The following LRRTM4 variants were observed in gnomAD, a reference collection of about 807,000 sequenced individuals.
LRRTM4 encodes leucine-rich repeat transmembrane neuronal protein 4.
LRRTM4 carries 25 observed loss-of-function variants against 47.6 expected under a neutral mutation model. The ratio of observed to expected loss-of-function variants is 0.53; its 90% CI spans 0.38 to 0.73. LRRTM4 has a LOEUF of 0.73. Ranked by LOEUF, LRRTM4 falls within the 30% of genes least tolerant of loss-of-function variation. The probability of loss-of-function intolerance (pLI) is 0.00; values close to 1 mark genes in which losing one functional copy is unlikely to be tolerated. For missense variants in LRRTM4, 638 were observed against 713.4 expected, an observed-to-expected ratio of 0.89 and a Z score of 1.20; for synonymous variants, 311 against 269.5, an observed-to-expected ratio of 1.15 and a Z score of -1.51.
At chr2:77,112,319 A>T (rs1203759950) in intron 3 of LRRTM4, among the ~76,000 whole-genome samples, 1 of 152,208 alleles carries the variant, frequency 6.6e-6, no homozygotes, top group African/African-American at 2.4e-5. Context: ...TTTCTTGAAT[A>T]ACCAAGAAAG....
chr2:76,827,668 C>T (rs547038701), intron 3 of LRRTM4, among the ~76,000 whole-genome samples: 4 of 151,926 alleles, frequency 2.6e-5, no homozygotes, highest in African/African-American at 9.6e-5. Flanking sequence ...TAAAAACAGT[C>T]AACTTATTTC....
At chr2:76,782,902 G>C (rs891498637) in intron 3 of LRRTM4, among the ~76,000 whole-genome samples, 11 of 152,108 alleles carry the variant, frequency 7.2e-5, no homozygotes, top group Non-Finnish European at 1.3e-4. Flanking sequence ...AAATTATAGA[G>C]TGTTCTTTAG....
At chr2:77,045,532 G>C (rs1464003984) in intron 3 of LRRTM4, among the ~76,000 whole-genome samples, 1 of 151,862 alleles carries the variant, frequency 6.6e-6, no homozygotes, top group Non-Finnish European at 1.5e-5. Flanking sequence ...TGTGTTGTGG[G>C]AGGGACCCAG....
chr2:77,514,121 C>T (rs1456131278), intron 3 of LRRTM4, among the ~76,000 whole-genome samples: 3 of 151,898 alleles, frequency 2.0e-5, no homozygotes, highest in Non-Finnish European at 2.9e-5. Flanking sequence ...CAAACACACA[C>T]ACATCCTATT....
intron 3 of LRRTM4, among the ~76,000 whole-genome samples, chr2:76,974,207 T>TACATATATATATAC (rs1390127604): frequency 0.028 from 2,319 of 82,922 alleles, 64 homozygotes; most frequent in East Asian, 0.079. Context: ...CATATATATA[T>TACATATATATATAC]ATACACATAT....
At chr2:77,323,090 A>G (rs996953719) in intron 3 of LRRTM4, among the ~76,000 whole-genome samples, 2 of 151,940 alleles carry the variant, frequency 1.3e-5, no homozygotes, top group South Asian at 4.1e-4. Context: ...CCTGGGGGGA[A>G]CCATGATTAT....
intron 3 of LRRTM4, among the ~76,000 whole-genome samples, chr2:77,212,503 T>C (rs1207659561): frequency 7.3e-6 from 1 of 137,548 alleles, no homozygotes; most frequent in Non-Finnish European, 1.6e-5. Flanking sequence ...AGCGAGAGAG[T>C]TAATCTCGTG....
chr2:76,798,838 C>T (rs1558661420), intron 3 of LRRTM4, among the ~76,000 whole-genome samples: 2 of 152,176 alleles, frequency 1.3e-5, no homozygotes, highest in African/African-American at 2.4e-5. Context: ...CGCAAATAAA[C>T]TAGAAAATCT....
intron 3 of LRRTM4, among the ~76,000 whole-genome samples, chr2:77,184,386 CT>C (rs1673441237): frequency 6.6e-6 from 1 of 152,044 alleles, no homozygotes; most frequent in Non-Finnish European, 1.5e-5. Flanking sequence ...ATGCCCATTC[CT>C]TACCTCCTAC....
At chr2:76,883,801 G>A (rs896301924) in intron 3 of LRRTM4, among the ~76,000 whole-genome samples, 5 of 152,108 alleles carry the variant, frequency 3.3e-5, no homozygotes, top group Non-Finnish European at 5.9e-5. Context: ...AGTGCTAAAT[G>A]ATTGTGAATT....
chr2:77,228,211 A>C (rs1483898200), intron 3 of LRRTM4, among the ~76,000 whole-genome samples: 1 of 152,110 alleles, frequency 6.6e-6, no homozygotes, highest in Non-Finnish European at 1.5e-5. Context: ...GTGCTGTCCA[A>C]ATCCATGATA....
At chr2:77,270,302 A>G (rs1676157903) in intron 3 of LRRTM4, among the ~76,000 whole-genome samples, 1 of 152,194 alleles carries the variant, frequency 6.6e-6, no homozygotes, top group African/African-American at 2.4e-5. Flanking sequence ...GGTTTGCCAA[A>G]GAAGGTTGTG....
chr2:77,375,606 C>A (rs562543965), intron 3 of LRRTM4, among the ~76,000 whole-genome samples: 1 of 151,714 alleles, frequency 6.6e-6, no homozygotes, highest in South Asian at 2.1e-4. Context: ...CTTTTTTCCC[C>A]AGCCCCTTGC....
chr2:77,086,877 A>G (rs1456741243), intron 3 of LRRTM4, among the ~76,000 whole-genome samples: 1 of 151,242 alleles, frequency 6.6e-6, no homozygotes, highest in Non-Finnish European at 1.5e-5. Flanking sequence ...TCAACGTCAG[A>G]AAACAGACTC....
intron 3 of LRRTM4, among the ~76,000 whole-genome samples, chr2:76,925,234 T>C (rs964978550): frequency 2.0e-5 from 3 of 152,174 alleles, no homozygotes; most frequent in Admixed American, 2.0e-4. Flanking sequence ...GATGCTTTCC[T>C]ACTCTTCATG....
At chr2:77,063,900 A>G (rs1385795382) in intron 3 of LRRTM4, among the ~76,000 whole-genome samples, 1 of 152,200 alleles carries the variant, frequency 6.6e-6, no homozygotes, top group African/African-American at 2.4e-5. Flanking sequence ...ACTAAAATAA[A>G]GATGACTAAT....
chr2:77,308,615 A>G (rs1677357139), intron 3 of LRRTM4, among the ~76,000 whole-genome samples: 1 of 152,146 alleles, frequency 6.6e-6, no homozygotes, highest in African/African-American at 2.4e-5. Flanking sequence ...CACACTATGT[A>G]AGTGAAGAAA....
chr2:76,971,326 G>A (rs983237481), intron 3 of LRRTM4, among the ~76,000 whole-genome samples: 1 of 152,028 alleles, frequency 6.6e-6, no homozygotes, highest in Non-Finnish European at 1.5e-5. Context: ...AGCTCCCCAG[G>A]CAATTCTGAT....
chr2:76,790,080 T>A (rs1674893831), intron 3 of LRRTM4, among the ~76,000 whole-genome samples: 1 of 152,192 alleles, frequency 6.6e-6, no homozygotes, highest in Admixed American at 6.5e-5. Context: ...TTTTCACCAC[T>A]GTCTGAGATC....
Sources: gnomAD v4.1 joint callset for allele counts (sites outside exome capture counted in the v4.1 genomes callset) on GRCh38, gnomAD v4.1.1 for gene constraint, MANE v1.5 for transcripts, NCBI Gene and HGNC (gene_info 2026-07-23, HGNC 2026-07-21) for gene names.